The following SLC7A5 variants were observed in gnomAD, a reference collection of about 807,000 sequenced individuals.
The protein encoded by SLC7A5 is large neutral amino acids transporter small subunit 1.
In SLC7A5, 23 loss-of-function variants were observed where a neutral mutation model predicts 50.2. The observed-to-expected ratio is 0.46, with a 90% CI of 0.33 to 0.65. SLC7A5 has a LOEUF of 0.65. Among genes scored for constraint, SLC7A5 ranks in the 30% least tolerant of loss-of-function variants. The pLI, the probability that SLC7A5 is intolerant of heterozygous loss-of-function variation, is 0.02. For synonymous variants in SLC7A5, 393 were observed against 330.6 expected (o/e 1.19, Z -2.05); for missense variants, 578 against 684.4 (o/e 0.84, Z 1.73).
rs563801093 is a variant in SLC7A5, at chr16:87,839,196, C to A, written c.940-379G>T. 2.6e-5 allele frequency among the ~76,000 whole-genome samples: 4 copies of A among 152,322 alleles called. No individual in the cohort carries two copies. In the East Asian group the frequency reaches 7.7e-4, roughly 29 times the overall value. ...TTGTTCAGTAGGAAGCTGGCCAGAG[C>A]ACCCACTCCCTGTTCCCCCAGCCCT... On this transcript the variant is annotated intron_variant, in intron 5 of 9. Coordinates refer to ENST00000261622, the MANE Select transcript of SLC7A5 (RefSeq NM_003486.7).
intron 1 of SLC7A5, among the ~76,000 whole-genome samples, chr16:87,867,461 GCGGCTGCTCGA>G (rs1393857538): frequency 1.3e-5 from 2 of 152,278 alleles, no homozygotes; most frequent in African/African-American, 4.8e-5. Flanking sequence ...GCATGGTGGT[GCGGCTGCTCGA>G]CTCAGAGCCT....
chr16:87,851,421 C>A (rs2055220986), intron 2 of SLC7A5, among the ~76,000 whole-genome samples: 4 of 152,194 alleles, frequency 2.6e-5, no homozygotes, highest in Admixed American at 2.6e-4. Context: ...ACATCGCCCC[C>A]AGGTGAGGTT....
At chr16:87,868,283 C>G (rs2055488747) in intron 1 of SLC7A5, among the ~76,000 whole-genome samples, 2 of 152,304 alleles carry the variant, frequency 1.3e-5, no homozygotes, top group Non-Finnish European at 1.5e-5. Context: ...GCAACACAGA[C>G]TGAATCTGCA....
intron 8 of SLC7A5, among the ~76,000 whole-genome samples, chr16:87,835,031 G>A (rs189521759): frequency 6.6e-6 from 1 of 152,256 alleles, no homozygotes; most frequent in Non-Finnish European, 1.5e-5. Context: ...CATCCCTGAA[G>A]CTGCAGCCTA....
At chr16:87,868,793 T>C (rs1232641884) in intron 1 of SLC7A5, 92 bp downstream of exon 1, 4 of 1,290,810 alleles carry the variant, frequency 3.1e-6, no homozygotes, top group Admixed American at 2.0e-5. Flanking sequence ...CGTAAAGATG[T>C]AGAGATGTGG....
At chr16:87,838,841 TG>T (rs1290396575) in intron 5 of SLC7A5, 24 bp from the exon 6 acceptor site, 1 of 1,588,116 alleles carries the variant, frequency 6.3e-7, no homozygotes, top group East Asian at 2.2e-5. Flanking sequence ...ACCAGTGAGC[TG>T]GGCCCCACCG....
At position 87,834,606 on chromosome 16, in the gene SLC7A5, AGGGCCT is replaced by A. The variant is rs1215445064; in HGVS notation, c.1291-21_1291-16del. The A allele has an allele frequency of 1.9e-6, 3 of 1,575,128 alleles. No homozygotes were observed. The African/African-American group carries it at 4.0e-5, about 21-fold the overall frequency. On this transcript the variant is annotated splice_polypyrimidine_tract_variant and intron_variant, in intron 8 of 9. Coordinates refer to ENST00000261622, the MANE Select transcript of SLC7A5 (RefSeq NM_003486.7). ...GCCAGGTTCACCTGGGGCAGAGGAC[AGGGCCT>A]GGGTGAGCCCTCTCCTGTCCAGCCT...
intron 1 of SLC7A5, among the ~76,000 whole-genome samples, chr16:87,867,137 C>G (rs1353480959): frequency 6.6e-6 from 1 of 152,202 alleles, no homozygotes; most frequent in Non-Finnish European, 1.5e-5. Context: ...TCAGGCTGGT[C>G]TCGAACTCCT....
At chr16:87,854,073 C>CCCT (rs1491454502) in intron 1 of SLC7A5, 1 of 38,746 alleles carries the variant, frequency 2.6e-5, no homozygotes, top group Non-Finnish European at 4.2e-5. Context: ...GACCCCCCCG[C>CCCT]CCCCCCCCCC....
chr16:87,844,084 G>C (rs922788384), intron 2 of SLC7A5, among the ~76,000 whole-genome samples: 1 of 152,176 alleles, frequency 6.6e-6, no homozygotes, highest in Non-Finnish European at 1.5e-5. Flanking sequence ...ACAGGGAAGT[G>C]AGGAAGAGAA....
intron 1 of SLC7A5, among the ~76,000 whole-genome samples, chr16:87,854,505 G>C (rs910589165): frequency 6.6e-6 from 1 of 152,224 alleles, no homozygotes; most frequent in Non-Finnish European, 1.5e-5. Context: ...CTCAGTCCCT[G>C]CTGGCACTTG....
At chr16:87,858,145 C>G (rs1328224828) in intron 1 of SLC7A5, among the ~76,000 whole-genome samples, 1 of 152,166 alleles carries the variant, frequency 6.6e-6, no homozygotes, top group African/African-American at 2.4e-5. Flanking sequence ...GAAACCAGGC[C>G]ACCCGGTGCT....
At chr16:87,834,992 G>T (rs1426721291) in intron 8 of SLC7A5, among the ~76,000 whole-genome samples, 1 of 152,236 alleles carries the variant, frequency 6.6e-6, no homozygotes, top group African/African-American at 2.4e-5. Context: ...TCTTGGAGAC[G>T]CCGCTGTGGA....
At chr16:87,840,685 G>C (rs1293649965) in intron 3 of SLC7A5, among the ~76,000 whole-genome samples, 1 of 152,292 alleles carries the variant, frequency 6.6e-6, no homozygotes, top group East Asian at 1.9e-4. Context: ...CACATTCCCT[G>C]CCTGTTCGCC....
At chr16:87,838,912 C>G in intron 5 of SLC7A5, 95 bp from the exon 6 acceptor site, 1 of 900,368 alleles carries the variant, frequency 1.1e-6, no homozygotes, top group Non-Finnish European at 1.8e-6. Context: ...CAGCCCTCGC[C>G]CTCTGTGCTC....
At chr16:87,865,914 C>T (rs1209927252) in intron 1 of SLC7A5, among the ~76,000 whole-genome samples, 9 of 152,126 alleles carry the variant, frequency 5.9e-5, no homozygotes, top group South Asian at 2.1e-4. Flanking sequence ...ATCTAAGCTC[C>T]GGAGGTTGAG....
Position 87,868,871 on chromosome 16 carries a change from C to T in SLC7A5, c.538+14G>A, listed in dbSNP as rs1325433214. The T allele has an allele frequency of 3.1e-6, 5 of 1,591,980 alleles. No homozygotes were observed. The African/African-American group carries it at 6.7e-5, about 21-fold the overall frequency. Reference sequence around the variant, plus strand: ...CTACGACCTCCCAACCCCCGGCCCGCGCCCCGTACTCACGCACGCAGAGGC... The same window carrying T: ...CTACGACCTCCCAACCCCCGGCCCGTGCCCCGTACTCACGCACGCAGAGGC... On this transcript the variant is annotated intron_variant, in intron 1 of 9. Coordinates refer to ENST00000261622, the MANE Select transcript of SLC7A5 (RefSeq NM_003486.7).
chr16:87,863,847 G>C (rs2055426936), intron 1 of SLC7A5, among the ~76,000 whole-genome samples: 1 of 151,726 alleles, frequency 6.6e-6, no homozygotes, highest in African/African-American at 2.4e-5. Context: ...AGCCTCAGAG[G>C]CCCGAGGGCT....
At chr16:87,859,419 G>A (rs1350194081) in intron 1 of SLC7A5, among the ~76,000 whole-genome samples, 1 of 152,180 alleles carries the variant, frequency 6.6e-6, no homozygotes, top group Admixed American at 6.5e-5. Flanking sequence ...ACTGGCCCCG[G>A]GGTCACCATG....
Sources: allele counts gnomAD v4.1 joint callset (sites outside exome capture counted in the v4.1 genomes callset), GRCh38; gene constraint gnomAD v4.1.1; transcripts MANE v1.5; gene names NCBI Gene and HGNC (gene_info 2026-07-23, HGNC 2026-07-21).